PTK7: variants seen among roughly 807,000 people sequenced by gnomAD.
PTK7 encodes inactive tyrosine-protein kinase 7.
A neutral mutation model predicts 116.6 loss-of-function variants in PTK7; 39 were observed. The observed-to-expected ratio is 0.33, with a 90% CI of 0.26 to 0.44. PTK7 has a LOEUF of 0.44. PTK7 is among the 20% of genes least tolerant of loss of function. The pLI, the probability that PTK7 is intolerant of heterozygous loss-of-function variation, is 1.00. For missense variants in PTK7, 1,169 were observed against 1,425.6 expected, an observed-to-expected ratio of 0.82 and a Z score of 2.90; for synonymous variants, 546 against 563.6, an observed-to-expected ratio of 0.97 and a Z score of 0.44.
chr6:43,095,729 G>T (rs1381872083), intron 1 of PTK7, among the ~76,000 whole-genome samples: 2 of 152,156 alleles, frequency 1.3e-5, no homozygotes, highest in Non-Finnish European at 2.9e-5. Context: ...TGTTCTTCCT[G>T]ATTGTTTTAA....
intron 1 of PTK7, among the ~76,000 whole-genome samples, chr6:43,110,661 C>T (rs1038559771): frequency 3.9e-5 from 6 of 152,126 alleles, no homozygotes; most frequent in Admixed American, 6.6e-5. Context: ...CCACCCGCCT[C>T]GGCCTCCCAA....
chr6:43,102,163 G>A (rs1767620190), intron 1 of PTK7, among the ~76,000 whole-genome samples: 1 of 152,144 alleles, frequency 6.6e-6, no homozygotes, highest in South Asian at 2.1e-4. Flanking sequence ...GGTGGCTCAT[G>A]CCTGTAATCC....
intron 13 of PTK7, chr6:43,142,864 G>T (rs187425332): frequency 5.6e-6 from 1 of 179,544 alleles, no homozygotes; most frequent in East Asian, 1.5e-4. Context: ...ATGAACTGAG[G>T]AGGCCCCCTT....
rs551727630 is a variant in PTK7 at position 43,141,457 on chromosome 6, CA to C, written c.1619-210del. Among the ~76,000 whole-genome samples, 155 of 152,244 alleles carry C rather than the reference CA, an allele frequency of 1.0e-3. No individual in the cohort carries two copies. The highest frequency in any genetic ancestry group is 3.4e-3 in the African/African-American group (143 of 41,548). On this transcript the variant is annotated intron_variant, in intron 10 of 19. Coordinates refer to ENST00000230419, the MANE Select transcript of PTK7 (RefSeq NM_002821.5). The surrounding 1 kb of genome is among the most constrained non-coding windows in gnomAD (Gnocchi z 4.9). ...GGTTTGGCAGACGTGGAATGTCACA[CA>C]GGGCAGTAGGAGGAAGAGGTGAGAC...
intron 1 of PTK7, among the ~76,000 whole-genome samples, chr6:43,127,483 G>A (rs182573456): frequency 1.9e-3 from 290 of 152,324 alleles, no homozygotes; most frequent in African/African-American, 6.6e-3. Flanking sequence ...ACTGACTGCA[G>A]TTCCACCTTT....
intron 1 of PTK7, among the ~76,000 whole-genome samples, chr6:43,098,360 C>CTT (rs200911784): frequency 2.1e-5 from 3 of 143,736 alleles, no homozygotes; most frequent in Admixed American, 7.0e-5. Flanking sequence ...AAGAAGCAAA[C>CTT]TTTTTTTTTT....
In PTK7 at chr6:43,130,504, T is replaced by G. The variant is rs774760293; in HGVS notation, c.662-7T>G. 2 of 1,613,184 alleles carry G rather than the reference T, an allele frequency of 1.2e-6. No homozygotes were observed. The highest frequency in any genetic ancestry group is 1.7e-6 in the Non-Finnish European group (2 of 1,179,450). The stretch of plus-strand genomic sequence containing the variant: ...GGCTGCATGCTCCCCCATCTTTCCC[T>G]CTCCAGATGAAAGCTTTGCCAGGGT... On this transcript the variant is annotated splice_region_variant and splice_polypyrimidine_tract_variant and intron_variant, in intron 4 of 19. Coordinates refer to ENST00000230419, the MANE Select transcript of PTK7 (RefSeq NM_002821.5).
Position 43,080,827 on chromosome 6 carries a change from A to G in PTK7, c.79+4260A>G, listed in dbSNP as rs183282779. On this transcript the variant is annotated intron_variant, in intron 1 of 19. Coordinates refer to ENST00000230419, the MANE Select transcript of PTK7 (RefSeq NM_002821.5). ...TGTGGTGGCACACACCTCTAATCCC[A>G]TCTACTCAGGAGGCTGAGGCAGGAG... Among the ~76,000 whole-genome samples the G allele has an allele frequency of 7.1e-3, 1,078 of 152,142 alleles. 5 individuals carry two copies. Among genetic ancestry groups the G allele is most frequent in the Non-Finnish European group, 0.013 (865 of 67,984 alleles).
intron 5 of PTK7, among the ~76,000 whole-genome samples, chr6:43,131,005 G>A (rs2150431474): frequency 6.7e-6 from 1 of 149,978 alleles, no homozygotes; most frequent in Admixed American, 6.7e-5. Context: ...AGTCTAGATA[G>A]CGTGATCCAG....
chr6:43,080,068 A>T (rs1304890503), intron 1 of PTK7, among the ~76,000 whole-genome samples: 1 of 150,722 alleles, frequency 6.6e-6, no homozygotes, highest in Non-Finnish European at 1.5e-5. Context: ...AAAAAAAAAA[A>T]AGGGCAGGAT....
At chr6:43,088,567 C>G (rs1766783337) in intron 1 of PTK7, among the ~76,000 whole-genome samples, 1 of 152,108 alleles carries the variant, frequency 6.6e-6, no homozygotes, top group Non-Finnish European at 1.5e-5. Context: ...TGGTGCATGC[C>G]TGTAATCCCA....
At chr6:43,134,964 A>G (rs1769940238) in intron 7 of PTK7, among the ~76,000 whole-genome samples, 1 of 151,942 alleles carries the variant, frequency 6.6e-6, no homozygotes, top group South Asian at 2.1e-4. Flanking sequence ...AATGTCTAAG[A>G]CATTGCTGGA....
chr6:43,161,602 G>T lies in PTK7; in HGVS notation c.*721G>T, dbSNP rs1771848379. 1 of 152,096 alleles carries T rather than the reference G, an allele frequency of 6.6e-6. No homozygotes were observed. The highest frequency in any genetic ancestry group is 2.1e-4 in the South Asian group (1 of 4,822). 9.4% of individuals were successfully genotyped at this position (152,096 alleles called of 1,614,324 possible). A position where few individuals can be genotyped will look rare whatever the true frequency, so the allele number is the denominator to read the frequency against. ...GGGGTGGGCCCTGGAGATGAGGAGG[G>T]TGGGCCATCCTTACCCCACACTTTT... On this transcript the variant is annotated 3_prime_UTR_variant, in exon 20 of 20. Transcript: ENST00000230419.
chr6:43,148,963 G>A (rs1036146210), intron 17 of PTK7, among the ~76,000 whole-genome samples: 109 of 151,226 alleles, frequency 7.2e-4, no homozygotes, highest in African/African-American at 2.4e-3. Flanking sequence ...GGAGGCTGAG[G>A]CAGGAGAATC....
chr6:43,139,070 T>C lies in PTK7; in HGVS notation c.1363-66T>C, dbSNP rs897027598. 8.7e-6 allele frequency: 14 copies of C among 1,610,236 alleles called. No homozygotes were observed. Among genetic ancestry groups the C allele is most frequent in the Non-Finnish European group, 8.5e-6 (10 of 1,177,576 alleles). On this transcript the variant is annotated intron_variant, in intron 8 of 19. Transcript: ENST00000230419. This position sits in a 1 kb window ranked among gnomAD's most constrained non-coding sequence, Gnocchi z 4.6. The stretch of plus-strand genomic sequence containing the variant: ...GCTCACCTCCATAGCACTCTTACCC[T>C]GGAGGCAGCCTCCAGGGAGAGGTGG...
At chr6:43,156,317 AC>A (rs1199828620) in intron 17 of PTK7, among the ~76,000 whole-genome samples, 1 of 150,980 alleles carries the variant, frequency 6.6e-6, no homozygotes, top group East Asian at 2.0e-4. Flanking sequence ...AAAAAAATTA[AC>A]CTGGCTGGCC....
chr6:43,099,243 T>G (rs539229385), intron 1 of PTK7, among the ~76,000 whole-genome samples: 1 of 151,150 alleles, frequency 6.6e-6, no homozygotes, highest in African/African-American at 2.4e-5. Flanking sequence ...TCCTTTTTTT[T>G]TTTTTTTGAG....
chr6:43,100,601 TTA>T (rs1348252055), intron 1 of PTK7, among the ~76,000 whole-genome samples: 2 of 152,178 alleles, frequency 1.3e-5, no homozygotes, highest in African/African-American at 4.8e-5. Context: ...CCCAAATACT[TTA>T]TAGGAGTTTA....
chr6:43,133,734 C>G (rs1378686206), intron 7 of PTK7: 2 of 152,220 alleles, frequency 1.3e-5, no homozygotes, highest in Non-Finnish European at 2.9e-5. Context: ...TACATACAAA[C>G]TATTTTGCAA....
Sources: allele counts gnomAD v4.1 joint callset (sites outside exome capture counted in the v4.1 genomes callset), GRCh38; gene constraint gnomAD v4.1.1; non-coding constraint Gnocchi (gnomAD v3.1); transcripts MANE v1.5; gene names NCBI Gene and HGNC (gene_info 2026-07-23, HGNC 2026-07-21).